Variants in HNRNPU observed in about 807,000 individuals in gnomAD.
HNRNPU encodes the protein heterogeneous nuclear ribonucleoprotein U.
Under a neutral mutation model 94.7 loss-of-function variants are expected in HNRNPU, and 5 were observed. That is an observed-to-expected ratio of 0.05 (90% confidence interval 0.03 to 0.11). The LOEUF is 0.11. Among genes scored for constraint, HNRNPU ranks in the 10% least tolerant of loss-of-function variants. The pLI is 1.00. For synonymous variants in HNRNPU, 434 were observed against 381.6 expected, an observed-to-expected ratio of 1.14 and a Z score of -1.60; for missense variants, 710 against 1,049.2, an observed-to-expected ratio of 0.68 and a Z score of 4.47.
intron 6 of HNRNPU, 27 bp downstream of exon 6, chr1:244,858,702 A>G: frequency 8.0e-7 from 1 of 1,250,232 alleles, no homozygotes; most frequent in Non-Finnish European, 1.2e-6. Context: ...TTTGCCATTT[A>G]TACATAGAAA....
chr1:244,853,501 T>C lies in HNRNPU; in HGVS notation c.*949A>G, dbSNP rs1680600090. The stretch of plus-strand genomic sequence containing the variant: ...GGAGATACCCATTCAAGAACTGACA[T>C]GATTAAAAATTAAGATATAAATGGG... On this transcript the variant is annotated 3_prime_UTR_variant, in exon 14 of 14. Transcript: ENST00000640218. 6.6e-6 allele frequency: 1 copy of C among 152,532 alleles called. No homozygotes were observed. The highest frequency in any genetic ancestry group is 1.5e-5 in the Non-Finnish European group (1 of 67,974). The allele number at this position is 152,532 out of a possible 1,614,324, so 9.4% of individuals were successfully genotyped here.
chr1:244,856,929 A>AT (rs1270188148), intron 8 of HNRNPU, 73 bp from the exon 9 acceptor site: 25 of 1,235,702 alleles, frequency 2.0e-5, no homozygotes, highest in Admixed American at 4.5e-5. Flanking sequence ...AATTCAACTC[A>AT]TATCTATATG....
chr1:244,860,543 C>T lies in HNRNPU; in HGVS notation c.878-69G>A, dbSNP rs778202204. On this transcript the variant is annotated intron_variant, in intron 3 of 13. Coordinates refer to ENST00000640218, the MANE Select transcript of HNRNPU (RefSeq NM_031844.3). ...AAACATATCTGCTATGTAGACAAAA[C>T]TTGGTTACTTAATTTTTGCATGTAC... 2.9e-4 allele frequency: 367 copies of T among 1,270,436 alleles called. 1 individual carries two copies. The highest frequency in any genetic ancestry group is 3.7e-4 in the Non-Finnish European group (337 of 904,582). The allele number at this position is 1,270,436 out of a possible 1,614,324, so 78.7% of individuals were successfully genotyped here.
chr1:244,857,129 T>C (rs1573330710), intron 8 of HNRNPU: 1 of 313,648 alleles, frequency 3.2e-6, no homozygotes. Context: ...ACCCTCAGAG[T>C]TGAAAGAACC....
intron 1 of HNRNPU, 95 bp downstream of exon 1, chr1:244,863,519 CGGG>C (rs1382269457): frequency 7.9e-7 from 1 of 1,258,286 alleles, no homozygotes; most frequent in African/African-American, 1.6e-5. Flanking sequence ...CCCTCCCGCC[CGGG>C]GCTCCCTCCC....
chr1:244,855,988 T>C lies in HNRNPU; in HGVS notation c.2083A>G (p.Ser695Gly), dbSNP rs544008777. 183 of 1,614,168 alleles carry C rather than the reference T, an allele frequency of 1.1e-4. No homozygotes were observed. The highest frequency in any genetic ancestry group is 9.8e-4 in the South Asian group (89 of 91,086). The change falls in exon 11 of 14, where the codon AGT (serine) becomes GGT (glycine). Residue 695 changes from serine to glycine, a missense_variant. By Grantham distance (56) the Ser-to-Gly change is moderately conservative (BLOSUM62 0). Transcript: ENST00000640218. ...CCTCTGTTAAACTGGTTCTTGCCAC[T>C]CTTATTTTTATTGCTTTTCTTTGAG... ...TGSKKSNKNK[S>G]GKNQFNRGGG...
intron 10 of HNRNPU, 148 bp from the exon 11 acceptor site, chr1:244,856,306 T>G (rs973313940): frequency 8.7e-7 from 1 of 1,149,316 alleles, no homozygotes; most frequent in Non-Finnish European, 1.2e-6. Flanking sequence ...ACTGCAATTT[T>G]AATTCCTGAA....
chr1:244,857,340 G>A, intron 8 of HNRNPU: 2 of 344,058 alleles, frequency 5.8e-6, no homozygotes, highest in Non-Finnish European at 1.0e-5. Flanking sequence ...CTGCCTCCCA[G>A]GTTCAAGTAA....
At chr1:244,858,362 T>C (rs1680735144) in intron 6 of HNRNPU, 88 bp from the exon 7 acceptor site, 1 of 1,244,356 alleles carries the variant, frequency 8.0e-7, no homozygotes, top group African/African-American at 1.5e-5. Context: ...GCAAAGCTTA[T>C]CCTGTGGAAG....
chr1:244,857,787 A>G lies in HNRNPU; in HGVS notation c.1495-70T>C. ...ACCTAATAATTCTTTAAATATTGTTAAGGCCAATTTAAATATCTAAGTTTT... is the reference window on the plus strand; with the variant it reads ...ACCTAATAATTCTTTAAATATTGTTGAGGCCAATTTAAATATCTAAGTTTT... On this transcript the variant is annotated intron_variant, in intron 7 of 13. Transcript: ENST00000640218. 7 of 1,538,756 alleles carry G rather than the reference A, an allele frequency of 4.5e-6. No individual in the cohort carries two copies. In the South Asian group the frequency reaches 8.5e-5, roughly 19 times the overall value.
At position 244,863,674 on chromosome 1, in the gene HNRNPU, C is replaced by G. The variant is rs1399331272; in HGVS notation, c.634G>C (p.Gly212Arg). The G allele has an allele frequency of 6.4e-7, 1 of 1,562,822 alleles. No homozygotes were observed. ...GARQGQQQAG[G>R]KKKAEGGGGG... ...CCGCCGCCTTCCGCCTTCTTCTTAC[C>G]TCCCGCCTGCTGCTGGCCCTGCCTC... Residue 212 changes from glycine (G) to arginine (R), a missense_variant, in exon 1 of 14, where the codon GGT becomes CGT. Gly to Arg is a moderately radical substitution (Grantham distance 125). Coordinates refer to ENST00000640218, the MANE Select transcript of HNRNPU (RefSeq NM_031844.3).
Position 244,858,075 on chromosome 1 carries a change from T to C in HNRNPU, c.1430A>G (p.Gln477Arg). The change falls in exon 7 of 14, where the codon CAG (glutamine) becomes CGG (arginine). Residue 477 changes from glutamine (Q) to arginine (R), a missense_variant. This residue lies in a region of HNRNPU where 150 missense variants were observed against 187.9 expected (regional missense o/e 0.80). Coordinates refer to ENST00000640218, the MANE Select transcript of HNRNPU (RefSeq NM_031844.3). ...AACTCGATCCTCTAAGGGGACGTTC[T>C]GGATGAAAGTATACTCTTCAGGTAT... ...FPIPEEYTFI[Q>R]NVPLEDRVRG... 1.2e-6 allele frequency: 2 copies of C among 1,614,114 alleles called. No homozygotes were observed. Among genetic ancestry groups the C allele is most frequent in the Non-Finnish European group, 1.7e-6 (2 of 1,179,950 alleles).
chr1:244,851,942 ACT>A lies in HNRNPU; in HGVS notation c.*2506_*2507del, dbSNP rs1182054721. ...GCTGACCAATCCAAAGCCAGTTTAC[ACT>A]CAGCATGTGTTATTCTACTTTAAAA... is the stretch of plus-strand genomic sequence containing the variant. On this transcript the variant is annotated 3_prime_UTR_variant, in exon 14 of 14. Transcript: ENST00000640218. 6.6e-6 allele frequency: 1 copy of A among 152,182 alleles called. No homozygotes were observed. Among genetic ancestry groups the A allele is most frequent in the Non-Finnish European group, 1.5e-5 (1 of 68,022 alleles). 9.4% of individuals were successfully genotyped at this position (152,182 alleles called of 1,614,324 possible). A position where few individuals can be genotyped will look rare whatever the true frequency, so the allele number is the denominator to read the frequency against.
In HNRNPU at chr1:244,860,491, T is replaced by C; in HGVS notation, c.878-17A>G. Reference sequence around the variant, plus strand: ...CACAATTATCTGTAATTATATCAAATACTGTGTTACTTTTGACATCCAATG... The same window carrying C: ...CACAATTATCTGTAATTATATCAAACACTGTGTTACTTTTGACATCCAATG... On this transcript the variant is annotated splice_polypyrimidine_tract_variant and intron_variant, in intron 3 of 13. Transcript: ENST00000640218. 6.3e-7 allele frequency: 1 copy of C among 1,578,516 alleles called. No individual in the cohort carries two copies. Among genetic ancestry groups the C allele is most frequent in the South Asian group, 1.1e-5 (1 of 89,658 alleles).
chr1:244,863,029 G>T, intron 1 of HNRNPU: 1 of 339,828 alleles, frequency 2.9e-6, no homozygotes, highest in Non-Finnish European at 5.4e-6. Context: ...AGGGGGAGGG[G>T]CCGAGCCCGG....
At chr1:244,857,776 T>C (rs1680718470) in intron 7 of HNRNPU, 59 bp from the exon 8 acceptor site, 4 of 1,561,590 alleles carry the variant, frequency 2.6e-6, no homozygotes, top group East Asian at 2.2e-5. Flanking sequence ...AATAATTCTT[T>C]AAATATTGTT....
chr1:244,864,371 G>A lies in HNRNPU; in HGVS notation c.-64C>T. The A allele has an allele frequency of 6.3e-7, 1 of 1,588,906 alleles. No homozygotes were observed. Among genetic ancestry groups the A allele is most frequent in the Non-Finnish European group, 8.5e-7 (1 of 1,172,288 alleles). On this transcript the variant is annotated 5_prime_UTR_variant, in exon 1 of 14. Coordinates refer to ENST00000640218, the MANE Select transcript of HNRNPU (RefSeq NM_031844.3). ...CTCGGCTCCGCTCACTCGGCCACTGGTGGCGGCTGCTGCGGCTGCTCCTCG... is the reference window on the plus strand; with the variant it reads ...CTCGGCTCCGCTCACTCGGCCACTGATGGCGGCTGCTGCGGCTGCTCCTCG...
chr1:244,863,980 TCTC>T lies in HNRNPU; in HGVS notation c.325_327del (p.Glu109del). 6.2e-7 allele frequency: 1 copy of T among 1,613,684 alleles called. No individual in the cohort carries two copies. Among genetic ancestry groups the T allele is most frequent in the Non-Finnish European group, 8.5e-7 (1 of 1,179,892 alleles). ...GAGTCGGCCGCCCCCGCGGCCCCGT[TCTC>T]CTCTCCTAGCTCCATCTGGTCGCCG... On this transcript the variant is annotated inframe_deletion, in exon 1 of 14. Coordinates refer to ENST00000640218, the MANE Select transcript of HNRNPU (RefSeq NM_031844.3).
intron 5 of HNRNPU, 96 bp from the exon 6 acceptor site, chr1:244,858,937 G>A (rs1475064795): frequency 1.5e-6 from 1 of 650,254 alleles, no homozygotes; most frequent in African/African-American, 1.8e-5. Context: ...AGAGAAATAA[G>A]CATATAACCT....
Sources: gnomAD v4.1 joint callset for allele counts on GRCh38, gnomAD v4.1.1 for gene constraint, gnomAD v4.1.1 regional missense constraint, MANE v1.5 for transcripts, NCBI Gene and HGNC (gene_info 2026-07-23, HGNC 2026-07-21) for gene names.